The following ENPP6 variants were observed in gnomAD, a reference collection of about 807,000 sequenced individuals.
ENPP6 encodes glycerophosphocholine cholinephosphodiesterase ENPP6.
ENPP6 carries 32 observed loss-of-function variants against 42.0 expected under a neutral mutation model. The ratio of observed to expected loss-of-function variants is 0.76; its 90% confidence interval spans 0.58 to 1.02. The LOEUF (loss-of-function observed/expected upper bound fraction) is 1.02. Among genes scored for constraint, ENPP6 ranks in the 50% least tolerant of loss-of-function variants. The probability of loss-of-function intolerance (pLI) is 0.00; values close to 1 mark genes in which losing one functional copy is unlikely to be tolerated. For missense variants in ENPP6, 552 were observed against 566.8 expected (o/e 0.97, Z 0.27); for synonymous variants, 213 against 216.0 (o/e 0.99, Z 0.12).
intron 6 of ENPP6, among the ~76,000 whole-genome samples, chr4:184,107,197 A>G (rs964343281): frequency 1.3e-5 from 2 of 152,094 alleles, no homozygotes; most frequent in Non-Finnish European, 2.9e-5. Context: ...ATGCAGGGCA[A>G]AGTCTTTCCA....
intron 2 of ENPP6, among the ~76,000 whole-genome samples, chr4:184,141,912 G>A (rs1248438567): frequency 6.6e-6 from 1 of 152,086 alleles, no homozygotes; most frequent in African/African-American, 2.4e-5. Context: ...ATGCAAATCT[G>A]TAACGTCTAC....
At chr4:184,170,218 C>T (rs1447721416) in intron 1 of ENPP6, among the ~76,000 whole-genome samples, 1 of 152,046 alleles carries the variant, frequency 6.6e-6, no homozygotes, top group Non-Finnish European at 1.5e-5. Context: ...TCTCTGGAGC[C>T]CAGGAGTTTG....
chr4:184,109,353 AGTT>A (rs1487144277), intron 6 of ENPP6, among the ~76,000 whole-genome samples: 1 of 152,232 alleles, frequency 6.6e-6, no homozygotes, highest in Admixed American at 6.5e-5. Context: ...ATTATGCAGT[AGTT>A]GTCACTGACT....
intron 1 of ENPP6, among the ~76,000 whole-genome samples, chr4:184,169,285 G>C (rs1441263864): frequency 6.6e-6 from 1 of 152,042 alleles, no homozygotes; most frequent in Non-Finnish European, 1.5e-5. Context: ...CAGGATCCAG[G>C]CTGGGCGGGA....
chr4:184,122,813 T>C (rs907405586), intron 3 of ENPP6, among the ~76,000 whole-genome samples: 10 of 152,256 alleles, frequency 6.6e-5, no homozygotes, highest in Non-Finnish European at 1.5e-4. Context: ...AGCCATGGCC[T>C]GTGGGGATGG....
At position 184,130,075 on chromosome 4, in the gene ENPP6, C is replaced by T. The variant is rs1261686768; in HGVS notation, c.422-5803G>A. 5.3e-5 allele frequency among the ~76,000 whole-genome samples: 8 copies of T among 152,082 alleles called. No homozygotes were observed. The South Asian group carries it at 8.3e-4, about 16-fold the overall frequency. ...TTAGAAGTGGCATTGAGATTGGGTG[C>T]GGAGCTTAGGGTGGGAAGCTTTGCT... On this transcript the variant is annotated intron_variant, in intron 2 of 7. Transcript: ENST00000296741.
chr4:184,207,012 G>C (rs146748545), intron 1 of ENPP6, among the ~76,000 whole-genome samples: 1 of 152,324 alleles, frequency 6.6e-6, no homozygotes, highest in African/African-American at 2.4e-5. Flanking sequence ...TCGCCTAGGC[G>C]CTGGCCAGTT....
Position 184,168,634 on chromosome 4 carries a change from G to T in ENPP6, c.242-14901C>A, listed in dbSNP as rs541392690. ...GCTGCGGTCTTCACCACCGCCCGCA[G>T]CCGTCCCCGTAGTCCGCCGAGAGGC... On this transcript the variant is annotated intron_variant, in intron 1 of 7. Coordinates refer to ENST00000296741, the MANE Select transcript of ENPP6 (RefSeq NM_153343.4). Among the ~76,000 whole-genome samples the T allele has an allele frequency of 4.4e-4, 67 of 152,354 alleles. 1 individual carries two copies. Among genetic ancestry groups the T allele is most frequent in the African/African-American group, 1.5e-3 (64 of 41,584 alleles).
intron 1 of ENPP6, among the ~76,000 whole-genome samples, chr4:184,167,024 T>A (rs753202197): frequency 1.3e-5 from 2 of 152,206 alleles, no homozygotes; most frequent in Non-Finnish European, 2.9e-5. Context: ...ACTGCACTCA[T>A]CCCGCAGCTG....
intron 3 of ENPP6, among the ~76,000 whole-genome samples, chr4:184,118,995 T>A (rs1448137535): frequency 3.3e-5 from 5 of 152,248 alleles, no homozygotes; most frequent in Non-Finnish European, 5.9e-5. Context: ...TTTCCATTTT[T>A]CTTACTAAAG....
chr4:184,147,796 G>C (rs1736954112), intron 2 of ENPP6, among the ~76,000 whole-genome samples: 1 of 48,814 alleles, frequency 2.0e-5, no homozygotes, highest in Non-Finnish European at 5.6e-5. Flanking sequence ...GAAAGACCCT[G>C]TTTCAAAAAA....
chr4:184,156,089 A>G (rs1165982134), intron 1 of ENPP6, among the ~76,000 whole-genome samples: 1 of 152,114 alleles, frequency 6.6e-6, no homozygotes, highest in African/African-American at 2.4e-5. Flanking sequence ...GAATTCCTAT[A>G]AGGTGGAGCG....
chr4:184,157,774 A>ATTTTTTTTTTTTTTTT (rs34358499), intron 1 of ENPP6, among the ~76,000 whole-genome samples: 9 of 122,348 alleles, frequency 7.4e-5, no homozygotes, highest in East Asian at 2.4e-4. Context: ...AACTTGGCTA[A>ATTTTTTTTTTTTTTTT]TTTTTTTTTT....
rs536493380 is a variant in ENPP6 at position 184,090,828 on chromosome 4, G to A, written c.*349C>T. 2.4e-5 allele frequency: 10 copies of A among 411,494 alleles called. No individual in the cohort carries two copies. Among genetic ancestry groups the A allele is most frequent in the Non-Finnish European group, 3.0e-5 (7 of 233,106 alleles). The allele number at this position is 411,494 out of a possible 1,614,324, so 25.5% of individuals were successfully genotyped here. ...TTTGTGCAAGGTGGGACAGAGAGGG[G>A]CCCAGAGCCACGTCTGTCTGCAATA... On this transcript the variant is annotated 3_prime_UTR_variant, in exon 8 of 8. Transcript: ENST00000296741.
At chr4:184,213,756 C>T (rs1204811952) in intron 1 of ENPP6, among the ~76,000 whole-genome samples, 1 of 148,742 alleles carries the variant, frequency 6.7e-6, no homozygotes, top group Non-Finnish European at 1.5e-5. Flanking sequence ...ATCCAAAGGA[C>T]TATAAATCAT....
At chr4:184,143,725 G>C (rs775854849) in intron 2 of ENPP6, among the ~76,000 whole-genome samples, 2 of 152,244 alleles carry the variant, frequency 1.3e-5, no homozygotes, top group Non-Finnish European at 2.9e-5. Context: ...CTGCAGAGAG[G>C]GGGAGGGAAG....
intron 2 of ENPP6, among the ~76,000 whole-genome samples, chr4:184,127,623 G>A (rs1169972482): frequency 6.6e-6 from 1 of 152,184 alleles, no homozygotes; most frequent in Non-Finnish European, 1.5e-5. Context: ...CAGGCGTAGT[G>A]CTGTGTGCCT....
chr4:184,092,362 G>A (rs990707405), intron 7 of ENPP6, among the ~76,000 whole-genome samples: 11 of 152,282 alleles, frequency 7.2e-5, no homozygotes, highest in South Asian at 2.1e-4. Context: ...TGAGCAAACT[G>A]GTATCTGAAT....
intron 2 of ENPP6, among the ~76,000 whole-genome samples, chr4:184,136,809 T>C (rs549466570): frequency 6.5e-4 from 99 of 152,356 alleles, no homozygotes; most frequent in Non-Finnish European, 1.2e-3. Flanking sequence ...ATGATGCTCT[T>C]TCCTGTTTCA....
Sources: gnomAD v4.1 joint callset for allele counts (sites outside exome capture counted in the v4.1 genomes callset) on GRCh38, gnomAD v4.1.1 for gene constraint, MANE v1.5 for transcripts, NCBI Gene and HGNC (gene_info 2026-07-23, HGNC 2026-07-21) for gene names.